The following LAMA4 variants were observed in gnomAD, a reference collection of about 807,000 sequenced individuals.
LAMA4 encodes the protein laminin subunit alpha-4.
Under a neutral mutation model 207.1 loss-of-function variants are expected in LAMA4, and 127 were observed. The ratio of observed to expected loss-of-function variants is 0.61; its 90% confidence interval spans 0.53 to 0.71. LAMA4 has a LOEUF of 0.71. LAMA4 is among the 30% of genes least tolerant of loss of function. The probability of loss-of-function intolerance (pLI) is 0.00; values close to 1 mark genes in which losing one functional copy is unlikely to be tolerated. For missense variants in LAMA4, 2,093 were observed against 2,246.5 expected, an observed-to-expected ratio of 0.93 and a Z score of 1.38; for synonymous variants, 761 against 816.0, an observed-to-expected ratio of 0.93 and a Z score of 1.15.
intron 4 of LAMA4, among the ~76,000 whole-genome samples, chr6:112,206,811 C>T (rs73542549): frequency 6.6e-6 from 1 of 152,150 alleles, no homozygotes; most frequent in Non-Finnish European, 1.5e-5. Context: ...TTCGGGAACA[C>T]AGTCATCATC....
intron 36 of LAMA4, 55 bp from the exon 37 acceptor site, chr6:112,114,811 T>G: frequency 8.1e-7 from 1 of 1,229,590 alleles, no homozygotes; most frequent in Non-Finnish European, 1.2e-6. Context: ...GTGATAAAAC[T>G]GAATTTCTTA....
At chr6:112,145,508 T>C (rs1389195630) in intron 18 of LAMA4, among the ~76,000 whole-genome samples, 1 of 152,222 alleles carries the variant, frequency 6.6e-6, no homozygotes, top group Non-Finnish European at 1.5e-5. Context: ...GCAAGCCGAC[T>C]GCTCAGCTGT....
chr6:112,130,939 T>G, intron 29 of LAMA4, 29 bp downstream of exon 29: 1 of 1,609,354 alleles, frequency 6.2e-7, no homozygotes, highest in Non-Finnish European at 8.5e-7. Flanking sequence ...ATAGACATGG[T>G]GGAAAGAATA....
intron 6 of LAMA4, among the ~76,000 whole-genome samples, chr6:112,190,934 TC>T (rs1562714497): frequency 1.6e-3 from 103 of 62,760 alleles, no homozygotes; most frequent in South Asian, 3.2e-3. Flanking sequence ...TTTCTTTCTT[TC>T]TTTCTTTCTT....
chr6:112,207,257 G>A lies in LAMA4; in HGVS notation c.298-112C>T, dbSNP rs973376832. 33 of 1,162,366 alleles carry A rather than the reference G, an allele frequency of 2.8e-5. No individual in the cohort carries two copies. In the South Asian group the frequency reaches 4.0e-4, roughly 14 times the overall value. 72.0% of individuals were successfully genotyped at this position (1,162,366 alleles called of 1,614,324 possible). A position where few individuals can be genotyped will look rare whatever the true frequency, so the allele number is the denominator to read the frequency against. On this transcript the variant is annotated intron_variant, in intron 3 of 38. Coordinates refer to ENST00000230538, the MANE Select transcript of LAMA4 (RefSeq NM_001105206.3). ...AGCAAAAGGGACATCAGATCAGACA[G>A]CACAGACTGTATGCGGCAGTACAGA...
chr6:112,188,382 T>C (rs1554347402), intron 7 of LAMA4, among the ~76,000 whole-genome samples: 2 of 152,182 alleles, frequency 1.3e-5, no homozygotes, highest in African/African-American at 4.8e-5. Flanking sequence ...ATTGGCCTTG[T>C]CTAGGGGCCA....
At position 112,189,039 on chromosome 6, in the gene LAMA4, C is replaced by G. The variant is rs926827200; in HGVS notation, c.814+71G>C. The G allele has an allele frequency of 1.7e-5, 20 of 1,144,878 alleles. No individual in the cohort carries two copies. The Admixed American group carries it at 3.0e-4, about 17-fold the overall frequency. The allele number at this position is 1,144,878 out of a possible 1,614,324, so 70.9% of individuals were successfully genotyped here. ...GTTTCTAGAGAGTGATATTGCATAG[C>G]TTTTCTTAATCCCACACCTGCAGCA... is the stretch of plus-strand genomic sequence containing the variant. On this transcript the variant is annotated intron_variant, in intron 7 of 38. Coordinates refer to ENST00000230538, the MANE Select transcript of LAMA4 (RefSeq NM_001105206.3).
intron 37 of LAMA4, 35 bp downstream of exon 37, chr6:112,114,628 G>T: frequency 7.6e-7 from 1 of 1,319,804 alleles, no homozygotes; most frequent in Non-Finnish European, 1.1e-6. Flanking sequence ...TTACAGTTGG[G>T]TGTGCAGGCT....
Position 112,236,605 on chromosome 6 carries a change from T to C in LAMA4, c.195+17351A>G, listed in dbSNP as rs984085132. The C allele has an allele frequency of 4.6e-5, 7 of 152,318 alleles. No individual in the cohort carries two copies. The South Asian group carries it at 1.4e-3, about 32-fold the overall frequency. The allele number at this position is 152,318 out of a possible 1,614,324, so 9.4% of individuals were successfully genotyped here. On this transcript the variant is annotated intron_variant, in intron 2 of 38. Coordinates refer to ENST00000230538, the MANE Select transcript of LAMA4 (RefSeq NM_001105206.3). ...ACAGGTAGAAGGAGATAAAAGAAGC[T>C]TTCCTAATTCATTAGAACATCAGTT... is the stretch of plus-strand genomic sequence containing the variant.
Position 112,207,071 on chromosome 6 carries a change from T to C in LAMA4, c.372A>G (p.Gly124=). Residue 124 remains glycine (G), a synonymous_variant, in exon 4 of 39, where the codon GGA becomes GGG. Transcript: ENST00000230538. The part of the protein sequence containing the change: ...LDGYIGDSIR[G]APQFCQPCPC... ...GGCACGGCTGGCAGAATTGGGGTGC[T>C]CCCCTGATGGAATCTCCGATATAAC... The C allele has an allele frequency of 6.2e-7, 1 of 1,613,916 alleles. No homozygotes were observed. Among genetic ancestry groups the C allele is most frequent in the Non-Finnish European group, 8.5e-7 (1 of 1,179,954 alleles).
Position 112,148,255 on chromosome 6 carries a change from G to A in LAMA4, c.2255C>T (p.Thr752Ile). Residue 752 changes from threonine to isoleucine, a missense_variant, in exon 18 of 39, where the codon ACT becomes ATT. Around this residue, in one of 3 missense-constraint regions of LAMA4, gnomAD observed 1,704 missense variants for 1,788.4 expected, o/e 0.95. Coordinates refer to ENST00000230538, the MANE Select transcript of LAMA4 (RefSeq NM_001105206.3). ...GGTTAGATTGTTGGCCATGGGGGCA[G>A]TGGCCTGCTGCACCTCCATCGTCGT... The part of the protein sequence containing the change: ...NRTTMEVQQA[T>I]APMANNLTNW... 1 of 1,614,130 alleles carries A rather than the reference G, an allele frequency of 6.2e-7. No homozygotes were observed. The highest frequency in any genetic ancestry group is 8.5e-7 in the Non-Finnish European group (1 of 1,179,950).
intron 7 of LAMA4, chr6:112,188,803 A>G: frequency 3.1e-6 from 1 of 321,868 alleles, no homozygotes; most frequent in Non-Finnish European, 5.9e-6. Flanking sequence ...TAGGAAAAGG[A>G]GCTGAAAAGA....
chr6:112,122,324 G>A, intron 31 of LAMA4, 123 bp from the exon 32 acceptor site: 1 of 742,404 alleles, frequency 1.3e-6, no homozygotes, highest in Non-Finnish European at 2.2e-6. Flanking sequence ...TCCATTCATG[G>A]AACATTAGGT....
chr6:112,152,711 C>T (rs1780470797), intron 16 of LAMA4, among the ~76,000 whole-genome samples: 1 of 151,962 alleles, frequency 6.6e-6, no homozygotes, highest in African/African-American at 2.4e-5. Context: ...TTATCTTTCC[C>T]CCCCAGATAT....
At chr6:112,165,581 A>G (rs1317629920) in intron 12 of LAMA4, among the ~76,000 whole-genome samples, 1 of 152,230 alleles carries the variant, frequency 6.6e-6, no homozygotes, top group Non-Finnish European at 1.5e-5. Context: ...CCCAGAATAT[A>G]AAAGAGGACT....
rs782504879 is a variant in LAMA4 at position 112,144,860 on chromosome 6, G to C, written c.2427C>G (p.Ser809Arg). 4 of 1,614,008 alleles carry C rather than the reference G, an allele frequency of 2.5e-6. No individual in the cohort carries two copies. The highest frequency in any genetic ancestry group is 3.4e-6 in the Non-Finnish European group (4 of 1,179,994). Residue 809 changes from serine (S) to arginine (R), a missense_variant, in exon 19 of 39, where the codon AGC becomes AGG. Physicochemically the swap from Ser to Arg is moderately radical, Grantham distance 110. Coordinates refer to ENST00000230538, the MANE Select transcript of LAMA4 (RefSeq NM_001105206.3). ...LRTVEQKRPASNVSASIQRIR... is the reference protein window; with the variant it reads ...LRTVEQKRPARNVSASIQRIR... The stretch of plus-strand genomic sequence containing the variant: ...TCCTCTGGATGCTGGCAGAAACGTT[G>C]CTTGCAGGTCGCTTCTGCTCAACCG...
intron 31 of LAMA4, 109 bp downstream of exon 31, chr6:112,128,813 A>G: frequency 1.2e-6 from 1 of 865,834 alleles, no homozygotes; most frequent in African/African-American, 1.7e-5. Flanking sequence ...CATCTTTCCT[A>G]TGTACGTAGT....
At chr6:112,194,573 C>T (rs545686980) in intron 5 of LAMA4, among the ~76,000 whole-genome samples, 1 of 152,186 alleles carries the variant, frequency 6.6e-6, no homozygotes, top group Non-Finnish European at 1.5e-5. Context: ...TAGTCCCTGA[C>T]AAACCCCTAC....
intron 2 of LAMA4, among the ~76,000 whole-genome samples, chr6:112,244,255 A>G (rs980175413): frequency 1.3e-5 from 2 of 152,222 alleles, no homozygotes; most frequent in Non-Finnish European, 2.9e-5. Context: ...GTCACTGCTC[A>G]TTACATGCTA....
Sources: gnomAD v4.1 joint callset for allele counts (sites outside exome capture counted in the v4.1 genomes callset) on GRCh38, gnomAD v4.1.1 for gene constraint, gnomAD v4.1.1 regional missense constraint, MANE v1.5 for transcripts, NCBI Gene and HGNC (gene_info 2026-07-23, HGNC 2026-07-21) for gene names.